The following TENM3 variants were observed in gnomAD, a reference collection of about 807,000 sequenced individuals.
TENM3 encodes the protein teneurin-3.
Under a neutral mutation model 255.1 loss-of-function variants are expected in TENM3, and 63 were observed. The observed-to-expected ratio is 0.25, with a 90% CI of 0.20 to 0.30. TENM3 has a LOEUF of 0.30. Among genes scored for constraint, TENM3 ranks in the 10% least tolerant of loss-of-function variants. The pLI is 1.00. For missense variants in TENM3, 2,929 were observed against 3,461.1 expected, an observed-to-expected ratio of 0.85 and a Z score of 3.86; for synonymous variants, 1,306 against 1,322.3, an observed-to-expected ratio of 0.99 and a Z score of 0.27.
rs114289507 is a variant in TENM3, at chr4:182,635,798, T to C, written c.988+6909T>C. ...CCAGGTTCATTGCAGTTATGATTCC[T>C]TAGCAGTTATCTGTCCTACTTCTGG... On this transcript the variant is annotated intron_variant, in intron 5 of 27. Transcript: ENST00000511685. 4.8e-3 allele frequency among the ~76,000 whole-genome samples: 725 copies of C among 152,332 alleles called. 7 individuals carry two copies. The highest frequency in any genetic ancestry group is 0.017 in the African/African-American group (696 of 41,570).
the TENM3 span, among the ~76,000 whole-genome samples, chr4:181,828,993 C>T: frequency 1.3e-5 from 2 of 152,172 alleles, no homozygotes; most frequent in African/African-American, 4.8e-5. Flanking sequence ...CATTGAGGTG[C>T]CGTCACCACC....
intron 3 of TENM3, among the ~76,000 whole-genome samples, chr4:182,437,447 A>G (rs1459515663): frequency 6.6e-6 from 1 of 151,870 alleles, no homozygotes; most frequent in Non-Finnish European, 1.5e-5. Flanking sequence ...CTAGGAGTTC[A>G]AGATCAGCCT....
At chr4:182,126,554 T>G in the TENM3 span, among the ~76,000 whole-genome samples, 1 of 152,176 alleles carries the variant, frequency 6.6e-6, no homozygotes, top group African/African-American at 2.4e-5. Flanking sequence ...CAAAACATCT[T>G]CAATCCAGAA....
chr4:181,784,150 C>A, the TENM3 span, among the ~76,000 whole-genome samples: 2 of 139,292 alleles, frequency 1.4e-5, no homozygotes, highest in African/African-American at 5.2e-5. Context: ...TAAATGGAAA[C>A]GAGTCATCTG....
intron 5 of TENM3, among the ~76,000 whole-genome samples, chr4:182,647,281 T>G (rs1164895066): frequency 1.3e-5 from 2 of 152,242 alleles, no homozygotes; most frequent in Admixed American, 6.5e-5. Context: ...TTTAAGTGTA[T>G]AGCTCAGTAG....
At chr4:181,566,443 A>G in the TENM3 span, among the ~76,000 whole-genome samples, 3 of 152,302 alleles carry the variant, frequency 2.0e-5, no homozygotes, top group South Asian at 4.1e-4. Context: ...TTGGGCTTCT[A>G]TTCTGCTTGA....
intron 1 of TENM3, among the ~76,000 whole-genome samples, chr4:182,192,296 C>A (rs2149791669): frequency 6.6e-6 from 1 of 152,266 alleles, no homozygotes; most frequent in South Asian, 2.1e-4. Flanking sequence ...AGTCTTTCAA[C>A]CATGTTGTAG....
chr4:182,765,786 A>G (rs1421575864), intron 22 of TENM3, among the ~76,000 whole-genome samples: 1 of 152,186 alleles, frequency 6.6e-6, no homozygotes, highest in African/African-American at 2.4e-5. Context: ...AAGGCTCCTT[A>G]GTAATTAAAA....
At chr4:182,514,416 C>T (rs1226223240) in intron 3 of TENM3, among the ~76,000 whole-genome samples, 1 of 151,896 alleles carries the variant, frequency 6.6e-6, no homozygotes. Context: ...ATAATAAATT[C>T]GATTTGGAAC....
Position 182,569,248 on chromosome 4 carries a change from A to G in TENM3, c.512-31676A>G, listed in dbSNP as rs909593689. ...GTGATACCTTAAATGCAGTGGCTCA[A>G]GTCTTCTTAGAAAAGTAGGGTACAG... On this transcript the variant is annotated intron_variant, in intron 3 of 27. Transcript: ENST00000511685. Among the ~76,000 whole-genome samples the G allele has an allele frequency of 5.3e-5, 8 of 152,302 alleles. No individual in the cohort carries two copies. In the East Asian group the frequency reaches 1.4e-3, roughly 26 times the overall value.
the TENM3 span, among the ~76,000 whole-genome samples, chr4:181,852,245 A>G: frequency 1.3e-5 from 2 of 152,238 alleles, no homozygotes; most frequent in Non-Finnish European, 1.5e-5. Flanking sequence ...CTGGACATGA[A>G]TAAGTCAGTG....
intron 3 of TENM3, among the ~76,000 whole-genome samples, chr4:182,536,115 A>G (rs183803932): frequency 6.6e-6 from 1 of 152,382 alleles, no homozygotes; most frequent in African/African-American, 2.4e-5. Flanking sequence ...AAATTTGCAC[A>G]GATTAACTAG....
the TENM3 span, among the ~76,000 whole-genome samples, chr4:182,020,135 C>T: frequency 6.6e-6 from 1 of 152,008 alleles, no homozygotes; most frequent in African/African-American, 2.4e-5. Flanking sequence ...GAGGCTGAGG[C>T]GGCCAGATCC....
chr4:181,714,352 G>T, the TENM3 span, among the ~76,000 whole-genome samples: 2 of 152,182 alleles, frequency 1.3e-5, no homozygotes, highest in African/African-American at 4.8e-5. Flanking sequence ...TGGGGTGAGA[G>T]GATCACTTGA....
chr4:181,792,979 A>T, the TENM3 span, among the ~76,000 whole-genome samples: 1 of 151,778 alleles, frequency 6.6e-6, no homozygotes, highest in African/African-American at 2.4e-5. Flanking sequence ...TTTTTCCTGG[A>T]AAAGACTGCC....
intron 3 of TENM3, among the ~76,000 whole-genome samples, chr4:182,539,154 T>TA (rs1380141017): frequency 9.9e-5 from 15 of 150,852 alleles, no homozygotes; most frequent in Non-Finnish European, 1.9e-4. Context: ...GACAAGAGGC[T>TA]ACAAAATAGA....
At chr4:182,113,512 A>T in the TENM3 span, among the ~76,000 whole-genome samples, 1 of 152,202 alleles carries the variant, frequency 6.6e-6, no homozygotes. Context: ...ACTTAAATGA[A>T]TAATGAATAT....
In TENM3 at chr4:182,793,046, C is replaced by A. The variant is rs1307785003; in HGVS notation, c.6374C>A (p.Thr2125Asn). 1.9e-6 allele frequency: 3 copies of A among 1,613,940 alleles called. No individual in the cohort carries two copies. Among genetic ancestry groups the A allele is most frequent in the Non-Finnish European group, 1.7e-6 (2 of 1,179,886 alleles). The change falls in exon 26 of 28, where the codon ACC (threonine) becomes AAC (asparagine). Residue 2125 changes from threonine to asparagine, a missense_variant. Transcript: ENST00000511685. This position sits in a 1 kb window ranked among gnomAD's most constrained non-coding sequence, Gnocchi z 5.7. The stretch of plus-strand genomic sequence containing the variant: ...ATTAAAATAGGGCCCTTTGCCAACA[C>A]CACCAAATATGCTTATGAATATGAT... ...REIKIGPFAN[T>N]TKYAYEYDVD...
chr4:181,504,670 A>C, the TENM3 span, among the ~76,000 whole-genome samples: 1 of 152,176 alleles, frequency 6.6e-6, no homozygotes, highest in Admixed American at 6.5e-5. Context: ...GCCAGGAACC[A>C]AACTAGCTTG....
Sources: gnomAD v4.1 joint callset for allele counts (sites outside exome capture counted in the v4.1 genomes callset) on GRCh38, gnomAD v4.1.1 for gene constraint, Gnocchi (gnomAD v3.1) non-coding constraint, MANE v1.5 for transcripts, NCBI Gene and HGNC (gene_info 2026-07-23, HGNC 2026-07-21) for gene names.